CMKLR2: variants seen among roughly 807,000 people sequenced by gnomAD.
CMKLR2 encodes chemerin-like receptor 2.
Under a neutral mutation model 23.0 loss-of-function variants are expected in CMKLR2, and 18 were observed. The observed-to-expected ratio is 0.78, with a 90% CI of 0.54 to 1.16. The LOEUF is 1.16. Ranked by LOEUF, CMKLR2 falls within the 50% of genes most tolerant of loss-of-function variation. The pLI is 0.00. For missense variants in CMKLR2, 401 were observed against 412.7 expected (o/e 0.97, Z 0.25); for synonymous variants, 158 against 158.9 (o/e 0.99, Z 0.05).
Position 206,177,227 on chromosome 2 carries a change from T to G in CMKLR2, c.21A>C (p.Thr7=). The change falls in exon 2 of 2, where the codon ACA becomes ACC. Residue 7 remains threonine (T), a synonymous_variant. Transcript: ENST00000621141. ...AATAGTTTTCAAATTCTTCAAATAA[T>G]GTTTCCTCCAAATCTTCCATGACCT... MEDLEE[T]LFEEFENYSY... is the part of the protein sequence containing the mutation. 6.2e-7 allele frequency: 1 copy of G among 1,602,830 alleles called. No homozygotes were observed. The highest frequency in any genetic ancestry group is 8.5e-7 in the Non-Finnish European group (1 of 1,173,068).
intron 1 of CMKLR2, among the ~76,000 whole-genome samples, chr2:206,190,674 C>T (rs1688722539): frequency 6.6e-6 from 1 of 152,062 alleles, no homozygotes; most frequent in Non-Finnish European, 1.5e-5. Context: ...TTTAGGGATA[C>T]AAATGTTTTT....
chr2:206,177,017 G>C lies in CMKLR2; in HGVS notation c.231C>G (p.Leu77=). The change falls in exon 2 of 2, where the codon CTC becomes CTG. Residue 77 remains leucine, a synonymous_variant. Transcript: ENST00000621141. The part of the protein sequence containing the change: ...WKKTVTTLWF[L]NLAIADFIFL... ...AAATGAAATCCGCAATGGCTAGATT[G>C]AGGAACCACAGAGTGGTGACTGTCT... is the stretch of plus-strand genomic sequence containing the variant. The C allele has an allele frequency of 6.2e-7, 1 of 1,614,184 alleles. No homozygotes were observed. The highest frequency in any genetic ancestry group is 8.5e-7 in the Non-Finnish European group (1 of 1,180,002).
At position 206,176,581 on chromosome 2, in the gene CMKLR2, T is replaced by A. The variant is rs1472488659; in HGVS notation, c.667A>T (p.Ser223Cys). ...IGYLFPLLTM[S>C]ICYLCLIFKV... ...AAGATGAGACACAAGTAGCAAATAC[T>A]CATTGTTAGCAAAGGGAAGAGATAG... The change falls in exon 2 of 2, where the codon AGT (serine) becomes TGT (cysteine). Residue 223 changes from serine (S) to cysteine (C), a missense_variant. Transcript: ENST00000621141. 3.1e-6 allele frequency: 5 copies of A among 1,614,158 alleles called. No homozygotes were observed. The highest frequency in any genetic ancestry group is 8.5e-7 in the Non-Finnish European group (1 of 1,180,042).
Position 206,190,734 on chromosome 2 carries a change from T to C in CMKLR2, c.-28-13459A>G, listed in dbSNP as rs376954579. 2.0e-5 allele frequency among the ~76,000 whole-genome samples: 3 copies of C among 152,234 alleles called. No individual in the cohort carries two copies. The East Asian group carries it at 5.8e-4, about 29-fold the overall frequency. On this transcript the variant is annotated intron_variant, in intron 1 of 1. Transcript: ENST00000621141. ...GGGAGAAAGAAAGAAAGTTTTTCCT[T>C]TTCAAAGAATAATTGAATCAAATGG...
intron 1 of CMKLR2, among the ~76,000 whole-genome samples, chr2:206,205,234 TA>T (rs1673178196): frequency 6.6e-6 from 1 of 152,238 alleles, no homozygotes; most frequent in Non-Finnish European, 1.5e-5. Flanking sequence ...ATCAATCTTT[TA>T]TTTATTTAAG....
intron 1 of CMKLR2, among the ~76,000 whole-genome samples, chr2:206,199,069 C>T (rs182144624): frequency 6.6e-6 from 1 of 152,280 alleles, no homozygotes; most frequent in African/African-American, 2.4e-5. Flanking sequence ...GCATATAGCC[C>T]AAACCCCCTT....
At chr2:206,209,620 C>T (rs1342214852) in intron 1 of CMKLR2, among the ~76,000 whole-genome samples, 1 of 150,246 alleles carries the variant, frequency 6.7e-6, no homozygotes, top group African/African-American at 2.5e-5. Context: ...TAAGTGAGAA[C>T]ATGCCGTGTT....
upstream of CMKLR2, among the ~76,000 whole-genome samples, chr2:206,216,130 G>A (rs1689746508): frequency 6.6e-6 from 1 of 152,106 alleles, no homozygotes; most frequent in Non-Finnish European, 1.5e-5. Context: ...ATTTCAAGGG[G>A]TTTCTTTTCA....
At chr2:206,212,478 A>C (rs1689605984) in intron 1 of CMKLR2, among the ~76,000 whole-genome samples, 1 of 152,110 alleles carries the variant, frequency 6.6e-6, no homozygotes. Flanking sequence ...GCCTTAAGTG[A>C]AAAAGGCAAT....
chr2:206,189,744 C>T (rs1688692828), intron 1 of CMKLR2, among the ~76,000 whole-genome samples: 1 of 152,112 alleles, frequency 6.6e-6, no homozygotes, highest in Admixed American at 6.6e-5. Flanking sequence ...AACATATGGT[C>T]AGCAAGCTGT....
In CMKLR2 at chr2:206,176,092, C is replaced by G. The variant is rs2105795089; in HGVS notation, c.*88G>C. The G allele has an allele frequency of 1.1e-6, 1 of 947,766 alleles. No individual in the cohort carries two copies. Among genetic ancestry groups the G allele is most frequent in the South Asian group, 1.8e-5 (1 of 55,178 alleles). 58.7% of individuals were successfully genotyped at this position (947,766 alleles called of 1,614,324 possible). A position where few individuals can be genotyped will look rare whatever the true frequency, so the allele number is the denominator to read the frequency against. On this transcript the variant is annotated 3_prime_UTR_variant, in exon 2 of 2. Coordinates refer to ENST00000621141, the MANE Select transcript of CMKLR2 (RefSeq NM_001389445.1). ...AATAACTATGAAAGTGGAGTCGGCT[C>G]TCTATCTTGGAAACAATTTTAATCT... is the stretch of plus-strand genomic sequence containing the variant.
At chr2:206,210,337 T>G (rs1689511624) in intron 1 of CMKLR2, among the ~76,000 whole-genome samples, 2 of 152,218 alleles carry the variant, frequency 1.3e-5, no homozygotes, top group African/African-American at 4.8e-5. Context: ...CTAATTCCTT[T>G]TCATGGCTGC....
chr2:206,176,034 C>T lies in CMKLR2; in HGVS notation c.*146G>A, dbSNP rs1004956088. Reference sequence around the variant, plus strand: ...ATCCTTCCTAAGTTTCATATCCACACAAAAATGTGATGCCTATATAGTGAC... The same window carrying T: ...ATCCTTCCTAAGTTTCATATCCACATAAAAATGTGATGCCTATATAGTGAC... On this transcript the variant is annotated 3_prime_UTR_variant, in exon 2 of 2. Coordinates refer to ENST00000621141, the MANE Select transcript of CMKLR2 (RefSeq NM_001389445.1). 7.6e-6 allele frequency: 4 copies of T among 526,660 alleles called. No homozygotes were observed. Among genetic ancestry groups the T allele is most frequent in the African/African-American group, 5.8e-5 (3 of 51,874 alleles). The allele number at this position is 526,660 out of a possible 1,614,324, so 32.6% of individuals were successfully genotyped here. A position where few individuals can be genotyped will look rare whatever the true frequency, so the allele number is the denominator to read the frequency against.
intron 1 of CMKLR2, among the ~76,000 whole-genome samples, chr2:206,189,119 C>G (rs905084608): frequency 6.6e-6 from 1 of 152,148 alleles, no homozygotes; most frequent in Non-Finnish European, 1.5e-5. Context: ...TCATGGATCA[C>G]TGCAAAAATG....
intron 1 of CMKLR2, among the ~76,000 whole-genome samples, chr2:206,194,339 G>A (rs67929831): frequency 0.22 from 32,676 of 151,978 alleles, 3,719 homozygotes; most frequent in Admixed American, 0.29. Flanking sequence ...TATAGGATAA[G>A]ATGTAGACAT....
rs532845990 is a variant in CMKLR2, at chr2:206,186,788, C to CTT, written c.-28-9515_-28-9514dup. ...GGTGCTGCTGGTAAGACTCTGCTGC[C>CTT]TTTTTTTTTTTTTTTTTTTAAGACA... On this transcript the variant is annotated intron_variant, in intron 1 of 1. Coordinates refer to ENST00000621141, the MANE Select transcript of CMKLR2 (RefSeq NM_001389445.1). 1.8e-4 allele frequency among the ~76,000 whole-genome samples: 23 copies of CTT among 129,398 alleles called. 1 individual carries two copies. The highest frequency in any genetic ancestry group is 1.4e-3 in the East Asian group (6 of 4,444). 84.9% of individuals were successfully genotyped at this position (129,398 alleles called of 152,430 possible).
chr2:206,213,441 T>C (rs978348198), upstream of CMKLR2: 1 of 152,208 alleles, frequency 6.6e-6, no homozygotes, highest in African/African-American at 2.4e-5. Context: ...GAAATGACAG[T>C]GTAGAGAAGA....
intron 1 of CMKLR2, among the ~76,000 whole-genome samples, chr2:206,191,529 TTA>T (rs1412023157): frequency 6.6e-6 from 1 of 152,162 alleles, no homozygotes; most frequent in Non-Finnish European, 1.5e-5. Context: ...TCACACATTA[TTA>T]TATGTCTGCC....
rs1031580735 is a variant in CMKLR2 at position 206,175,670 on chromosome 2, T to A, written c.*510A>T. On this transcript the variant is annotated 3_prime_UTR_variant, in exon 2 of 2. Coordinates refer to ENST00000621141, the MANE Select transcript of CMKLR2 (RefSeq NM_001389445.1). ...GCACCACCATGACCGGCTAATTTTG[T>A]ATTTTTAGTAGAGACGGGGTTTCTC... 3 of 152,228 alleles carry A rather than the reference T, an allele frequency of 2.0e-5. No individual in the cohort carries two copies. Among genetic ancestry groups the A allele is most frequent in the African/African-American group, 4.8e-5 (2 of 41,430 alleles). 9.4% of individuals were successfully genotyped at this position (152,228 alleles called of 1,614,324 possible).
Sources: gnomAD v4.1 joint callset for allele counts (sites outside exome capture counted in the v4.1 genomes callset) on GRCh38, gnomAD v4.1.1 for gene constraint, MANE v1.5 for transcripts, NCBI Gene and HGNC (gene_info 2026-07-23, HGNC 2026-07-21) for gene names.